The following TRNAU1AP variants were observed in gnomAD, a reference collection of about 807,000 sequenced individuals.
TRNAU1AP encodes the protein tRNA selenocysteine 1 associated protein 1.
A neutral mutation model predicts 43.3 loss-of-function variants in TRNAU1AP; 33 were observed. The observed-to-expected ratio is 0.76, with a 90% CI of 0.58 to 1.02. The LOEUF (loss-of-function observed/expected upper bound fraction) is 1.02, where lower values mean the gene tolerates loss of function less well. TRNAU1AP is among the 50% of genes least tolerant of loss of function. The probability of loss-of-function intolerance (pLI) is 0.00; values close to 1 mark genes in which losing one functional copy is unlikely to be tolerated. For missense variants in TRNAU1AP, 290 were observed against 362.7 expected (o/e 0.80, Z 1.63); for synonymous variants, 143 against 129.1 (o/e 1.11, Z -0.73).
Position 28,571,343 on chromosome 1 carries a change from C to T in TRNAU1AP, c.693+5C>T. 1 of 1,613,750 alleles carries T rather than the reference C, an allele frequency of 6.2e-7. No homozygotes were observed. Among genetic ancestry groups the T allele is most frequent in the Non-Finnish European group, 8.5e-7 (1 of 1,179,796 alleles). ...TATACCCAGAGCACCATGCAGGTAA[C>T]CATGACTTGGCAAGACTGGTCCCCT... On this transcript the variant is annotated splice_donor_5th_base_variant and intron_variant, in intron 7 of 8. Transcript: ENST00000373830.
In TRNAU1AP at chr1:28,561,905, T is replaced by C. The variant is rs570053881; in HGVS notation, c.278+507T>C. ...GGCTAACACGGTGAAACCCCGTCTC[T>C]ACTAAAAATACAACAAATTAGCCGG... On this transcript the variant is annotated intron_variant, in intron 4 of 8. Coordinates refer to ENST00000373830, the MANE Select transcript of TRNAU1AP (RefSeq NM_017846.5). Among the ~76,000 whole-genome samples the C allele has an allele frequency of 6.8e-4, 104 of 152,270 alleles. 1 individual carries two copies. Among genetic ancestry groups the C allele is most frequent in the African/African-American group, 2.4e-3 (101 of 41,558 alleles).
intron 8 of TRNAU1AP, among the ~76,000 whole-genome samples, chr1:28,575,361 G>A (rs963058478): frequency 6.6e-6 from 1 of 151,790 alleles, no homozygotes; most frequent in Non-Finnish European, 1.5e-5. Context: ...CACCATGTTG[G>A]CCATGATGGT....
chr1:28,553,535 C>A (rs1475720235), intron 1 of TRNAU1AP, 105 bp from the exon 2 acceptor site: 3 of 1,100,538 alleles, frequency 2.7e-6, no homozygotes, highest in Admixed American at 2.3e-5. Flanking sequence ...CCCTCGCTCC[C>A]CCAGCGGCGC....
chr1:28,559,831 G>A (rs1211975550), intron 2 of TRNAU1AP, among the ~76,000 whole-genome samples: 2 of 152,068 alleles, frequency 1.3e-5, no homozygotes, highest in Admixed American at 6.6e-5. Context: ...ATAAATGAAT[G>A]TTTACTAAAT....
rs1014964703 is a variant in TRNAU1AP, at chr1:28,560,343, A to G, written c.126-290A>G. ...GTTGCTCAGGCTGGAGCAGTGTGGCATGATCTCAGCTCACTGCAACCTCCA... is the reference window on the plus strand; with the variant it reads ...GTTGCTCAGGCTGGAGCAGTGTGGCGTGATCTCAGCTCACTGCAACCTCCA... On this transcript the variant is annotated intron_variant, in intron 2 of 8. Transcript: ENST00000373830. Among the ~76,000 whole-genome samples, 4 of 147,824 alleles carry G rather than the reference A, an allele frequency of 2.7e-5. No homozygotes were observed. In the Admixed American group the frequency reaches 2.7e-4, roughly 10 times the overall value.
At chr1:28,574,755 G>T (rs1021534041) in intron 8 of TRNAU1AP, 2 of 152,198 alleles carry the variant, frequency 1.3e-5, no homozygotes, top group African/African-American at 2.4e-5. Flanking sequence ...CTGTTTTGAG[G>T]ATTCGTCTTC....
chr1:28,564,611 C>A, intron 4 of TRNAU1AP, 92 bp from the exon 5 acceptor site: 1 of 1,478,414 alleles, frequency 6.8e-7, no homozygotes. Context: ...CCTTAAGGGG[C>A]CTGGGAGAGG....
chr1:28,566,449 T>C (rs970751413), intron 5 of TRNAU1AP, among the ~76,000 whole-genome samples: 2 of 148,964 alleles, frequency 1.3e-5, no homozygotes, highest in African/African-American at 5.0e-5. Context: ...GAAACCCAGG[T>C]CTCCACTTTA....
In TRNAU1AP at chr1:28,553,841, A is replaced by T. The variant is rs1665190804; in HGVS notation, c.125+104A>T. 4.0e-6 allele frequency: 4 copies of T among 1,011,606 alleles called. No individual in the cohort carries two copies. In the Admixed American group the frequency reaches 8.5e-5, roughly 21 times the overall value. 62.7% of individuals were successfully genotyped at this position (1,011,606 alleles called of 1,614,324 possible). On this transcript the variant is annotated intron_variant, in intron 2 of 8. Transcript: ENST00000373830. The stretch of plus-strand genomic sequence containing the variant: ...CTTCTCACTACCCCTAGTAATAGTC[A>T]CTGTAAAATTATAACAGCTAACATT...
Position 28,564,730 on chromosome 1 carries a change from C to T in TRNAU1AP, c.306C>T (p.Asp102=). 6.2e-7 allele frequency: 1 copy of T among 1,613,960 alleles called. No individual in the cohort carries two copies. Among genetic ancestry groups the T allele is most frequent in the Non-Finnish European group, 8.5e-7 (1 of 1,179,964 alleles). ...CTGAGTATTCCCTCTTTGTGGGGGA[C>T]CTGACCCCGGACGTGGATGATGGCA... The part of the protein sequence containing the change: ...NSPEYSLFVG[D]LTPDVDDGML... The change falls in exon 5 of 9, where the codon GAC becomes GAT. Residue 102 remains aspartate (D), a synonymous_variant. Coordinates refer to ENST00000373830, the MANE Select transcript of TRNAU1AP (RefSeq NM_017846.5).
At chr1:28,576,683 T>G (rs1665791194) in intron 8 of TRNAU1AP, among the ~76,000 whole-genome samples, 1 of 151,908 alleles carries the variant, frequency 6.6e-6, no homozygotes, top group Non-Finnish European at 1.5e-5. Flanking sequence ...CACCGCAACC[T>G]CCACCTCCTG....
At chr1:28,563,033 T>C (rs1557434063) in intron 4 of TRNAU1AP, among the ~76,000 whole-genome samples, 1 of 151,370 alleles carries the variant, frequency 6.6e-6, no homozygotes. Flanking sequence ...GTAGCTGGGA[T>C]TACAGGCACC....
At chr1:28,559,489 A>T (rs1665356618) in intron 2 of TRNAU1AP, among the ~76,000 whole-genome samples, 1 of 151,968 alleles carries the variant, frequency 6.6e-6, no homozygotes, top group African/African-American at 2.4e-5. Flanking sequence ...TTAGCTGGGC[A>T]TGGTGGCGCA....
chr1:28,577,906 C>T lies in TRNAU1AP; in HGVS notation c.*270C>T, dbSNP rs1665836003. The T allele has an allele frequency of 3.2e-6, 1 of 310,490 alleles. No individual in the cohort carries two copies. Among genetic ancestry groups the T allele is most frequent in the African/African-American group, 2.2e-5 (1 of 45,622 alleles). The allele number at this position is 310,490 out of a possible 1,614,324, so 19.2% of individuals were successfully genotyped here. On this transcript the variant is annotated 3_prime_UTR_variant, in exon 9 of 9. Coordinates refer to ENST00000373830, the MANE Select transcript of TRNAU1AP (RefSeq NM_017846.5). ...TCCACATAGGACAGTTTGGGATTATCCAAAACTGGGATGAGCAGCTTGGGA... is the reference window on the plus strand; with the variant it reads ...TCCACATAGGACAGTTTGGGATTATTCAAAACTGGGATGAGCAGCTTGGGA...
chr1:28,570,662 T>C (rs2124211393), intron 6 of TRNAU1AP, among the ~76,000 whole-genome samples: 1 of 152,278 alleles, frequency 6.6e-6, no homozygotes, highest in Non-Finnish European at 1.5e-5. Flanking sequence ...GCATGGTCTC[T>C]GGAGCCATAC....
In TRNAU1AP at chr1:28,567,421, C is replaced by G; in HGVS notation, c.530+8C>G. On this transcript the variant is annotated splice_region_variant and intron_variant, in intron 6 of 8. Transcript: ENST00000373830. The stretch of plus-strand genomic sequence containing the variant: ...CGTGGCAATCCCTAAAGCGTGAGTC[C>G]TGCAGGGAAGGTAGAGAGACTCTAG... The G allele has an allele frequency of 6.3e-7, 1 of 1,594,058 alleles. No homozygotes were observed. The highest frequency in any genetic ancestry group is 8.5e-7 in the Non-Finnish European group (1 of 1,175,086).
At chr1:28,571,086 G>A in intron 6 of TRNAU1AP, 90 bp from the exon 7 acceptor site, 1 of 1,323,404 alleles carries the variant, frequency 7.6e-7, no homozygotes, top group Non-Finnish European at 1.1e-6. Flanking sequence ...AAGTTAATCG[G>A]TATAAAGCAC....
chr1:28,560,361 A>C (rs1665378344), intron 2 of TRNAU1AP, among the ~76,000 whole-genome samples: 1 of 150,470 alleles, frequency 6.6e-6, no homozygotes, highest in Non-Finnish European at 1.5e-5. Flanking sequence ...AGCTCACTGC[A>C]ACCTCCACCT....
chr1:28,577,531 C>CA lies in TRNAU1AP; in HGVS notation c.761dup (p.Asn254LysfsTer9). ...TGCCACAGCTGGATGTGACTGAGGCCAACAAGGAGTTCATGGAACAGAGTG... is the reference window on the plus strand; with the variant it reads ...TGCCACAGCTGGATGTGACTGAGGCCAAACAAGGAGTTCATGGAACAGAGTG... On this transcript the variant is annotated frameshift_variant, in exon 9 of 9. Transcript: ENST00000373830. LOFTEE classifies it high-confidence loss of function. The CA allele has an allele frequency of 2.5e-6, 4 of 1,614,006 alleles. No individual in the cohort carries two copies. The highest frequency in any genetic ancestry group is 3.4e-6 in the Non-Finnish European group (4 of 1,179,990).
Sources: allele counts gnomAD v4.1 joint callset (sites outside exome capture counted in the v4.1 genomes callset), GRCh38; gene constraint gnomAD v4.1.1; transcripts MANE v1.5; gene names NCBI Gene and HGNC (gene_info 2026-07-23, HGNC 2026-07-21).